NALF1: variants seen among roughly 807,000 people sequenced by gnomAD.
The protein encoded by NALF1 is NALCN channel auxiliary factor 1, also known as family with sequence similarity 155 member A.
Under a neutral mutation model 48.4 loss-of-function variants are expected in NALF1, and 3 were observed. The ratio of observed to expected loss-of-function variants is 0.06; its 90% CI spans 0.03 to 0.16. The LOEUF is 0.16. NALF1 is among the 10% of genes least tolerant of loss of function. The pLI is 1.00. For synonymous variants in NALF1, 262 were observed against 245.7 expected (o/e 1.07, Z -0.62); for missense variants, 526 against 571.5 (o/e 0.92, Z 0.81).
At chr13:107,669,630 C>T (rs1365782519) in intron 1 of NALF1, among the ~76,000 whole-genome samples, 1 of 152,156 alleles carries the variant, frequency 6.6e-6, no homozygotes, top group Non-Finnish European at 1.5e-5. Flanking sequence ...ACCAACACAA[C>T]CACATTTTTC....
chr13:107,670,691 T>G (rs1039785228), intron 1 of NALF1, among the ~76,000 whole-genome samples: 1 of 152,104 alleles, frequency 6.6e-6, no homozygotes, highest in East Asian at 1.9e-4. Context: ...TCACAACCAC[T>G]GATGGTATTC....
chr13:107,244,272 A>T (rs1040668579), intron 1 of NALF1, among the ~76,000 whole-genome samples: 1 of 152,094 alleles, frequency 6.6e-6, no homozygotes, highest in African/African-American at 2.4e-5. Flanking sequence ...GTTTCTTGTC[A>T]TTTTCTGATG....
intron 1 of NALF1, among the ~76,000 whole-genome samples, chr13:107,824,868 C>T (rs148411931): frequency 1.3e-5 from 2 of 152,266 alleles, no homozygotes; most frequent in East Asian, 3.9e-4. Flanking sequence ...ACTGCTCTTA[C>T]GAGTTTCAGT....
chr13:107,173,859 T>C (rs1045478957), intron 2 of NALF1, among the ~76,000 whole-genome samples: 2 of 152,236 alleles, frequency 1.3e-5, no homozygotes, highest in African/African-American at 4.8e-5. Context: ...TGTTTGGCTG[T>C]TGGACCTTCA....
At chr13:107,247,951 G>T (rs1566463396) in intron 1 of NALF1, among the ~76,000 whole-genome samples, 1 of 152,104 alleles carries the variant, frequency 6.6e-6, no homozygotes, top group Non-Finnish European at 1.5e-5. Context: ...GCGCATTATG[G>T]TGGCTTAGCA....
At chr13:107,297,425 A>G (rs956279301) in intron 1 of NALF1, among the ~76,000 whole-genome samples, 11 of 152,206 alleles carry the variant, frequency 7.2e-5, no homozygotes, top group African/African-American at 2.4e-4. Flanking sequence ...AAAATGAGCT[A>G]TAAGACTAAA....
At chr13:107,603,192 T>A (rs1336352724) in intron 1 of NALF1, among the ~76,000 whole-genome samples, 1 of 152,236 alleles carries the variant, frequency 6.6e-6, no homozygotes, top group Non-Finnish European at 1.5e-5. Context: ...ATTTAGACAC[T>A]GCTGAAATGT....
At chr13:107,677,583 T>C (rs1353591209) in intron 1 of NALF1, among the ~76,000 whole-genome samples, 1 of 152,198 alleles carries the variant, frequency 6.6e-6, no homozygotes, top group Non-Finnish European at 1.5e-5. Context: ...AAATATGTCA[T>C]GGTAAATTCA....
chr13:107,405,021 T>C (rs1481536660), intron 1 of NALF1, among the ~76,000 whole-genome samples: 1 of 152,128 alleles, frequency 6.6e-6, no homozygotes, highest in African/African-American at 2.4e-5. Context: ...TATGCAGTTT[T>C]TACAATTATC....
At chr13:107,796,962 A>G (rs1202245350) in intron 1 of NALF1, among the ~76,000 whole-genome samples, 1 of 152,118 alleles carries the variant, frequency 6.6e-6, no homozygotes, top group East Asian at 1.9e-4. Flanking sequence ...TATTCTCCAC[A>G]AAACACCAAA....
chr13:107,708,417 T>G (rs1269856397), intron 1 of NALF1, among the ~76,000 whole-genome samples: 2 of 152,118 alleles, frequency 1.3e-5, no homozygotes, highest in Non-Finnish European at 2.9e-5. Context: ...CCACATAAGG[T>G]GCTAAAAGGA....
chr13:107,319,987 G>A (rs1882222790), intron 1 of NALF1, among the ~76,000 whole-genome samples: 1 of 152,112 alleles, frequency 6.6e-6, no homozygotes, highest in Non-Finnish European at 1.5e-5. Flanking sequence ...CACCAAAGTT[G>A]AGGCATTTAG....
At chr13:107,236,751 C>A (rs1304379110) in intron 1 of NALF1, among the ~76,000 whole-genome samples, 1 of 151,430 alleles carries the variant, frequency 6.6e-6, no homozygotes, top group African/African-American at 2.4e-5. Flanking sequence ...TACAGTCATC[C>A]CTCCATATCT....
At chr13:107,310,038 C>G (rs1882014539) in intron 1 of NALF1, among the ~76,000 whole-genome samples, 1 of 152,076 alleles carries the variant, frequency 6.6e-6, no homozygotes, top group African/African-American at 2.4e-5. Context: ...AGTTGGTATG[C>G]AAATGTTGGG....
rs73584919 is a variant in NALF1, at chr13:107,280,697, G to A, written c.916-69942C>T. On this transcript the variant is annotated intron_variant, in intron 1 of 2. Coordinates refer to ENST00000375915, the MANE Select transcript of NALF1 (RefSeq NM_001080396.3). ...AGAAACTTAAGAGTCTTTCTATTCC[G>A]AATTGCCACCTTTAGGCAAATTGTG... Among the ~76,000 whole-genome samples, 731 of 152,078 alleles carry A rather than the reference G, an allele frequency of 4.8e-3. 3 individuals carry two copies. Among genetic ancestry groups the A allele is most frequent in the African/African-American group, 0.016 (679 of 41,460 alleles).
chr13:107,276,979 C>T (rs1370360145), intron 1 of NALF1, among the ~76,000 whole-genome samples: 1 of 152,070 alleles, frequency 6.6e-6, no homozygotes. Flanking sequence ...CCCAAAAACA[C>T]TTCCAAATTA....
chr13:107,180,112 C>T (rs1300009368), intron 2 of NALF1, among the ~76,000 whole-genome samples: 3 of 151,380 alleles, frequency 2.0e-5, no homozygotes, highest in African/African-American at 7.3e-5. Context: ...TACAGACCTA[C>T]TATGTATCCA....
intron 1 of NALF1, among the ~76,000 whole-genome samples, chr13:107,821,594 CA>C: frequency 6.6e-6 from 1 of 152,268 alleles, no homozygotes; most frequent in South Asian, 2.1e-4. Flanking sequence ...GAGCACTCTT[CA>C]AACTGTCAAG....
rs539591471 is a variant in NALF1 at position 107,656,958 on chromosome 13, A to G, written c.915+208724T>C. ...TCATATGTGGGAGCTAAGCTATGAG[A>G]ACACAAAGGCATAAGAATGATACAT... On this transcript the variant is annotated intron_variant, in intron 1 of 2. Coordinates refer to ENST00000375915, the MANE Select transcript of NALF1 (RefSeq NM_001080396.3). Among the ~76,000 whole-genome samples, 12 of 152,180 alleles carry G rather than the reference A, an allele frequency of 7.9e-5. 1 individual carries two copies. In the South Asian group the frequency reaches 2.5e-3, roughly 32 times the overall value.
Sources: gnomAD v4.1 joint callset for allele counts (sites outside exome capture counted in the v4.1 genomes callset) on GRCh38, gnomAD v4.1.1 for gene constraint, MANE v1.5 for transcripts, NCBI Gene and HGNC (gene_info 2026-07-23, HGNC 2026-07-21) for gene names.